Variants in SLC1A1 observed in about 807,000 individuals in gnomAD.
SLC1A1 encodes solute carrier family 1 member 1.
Under a neutral mutation model 53.3 loss-of-function variants are expected in SLC1A1, and 43 were observed. That is an observed-to-expected ratio of 0.81 (90% confidence interval 0.63 to 1.04). The LOEUF is 1.04. SLC1A1 is among the 50% of genes least tolerant of loss of function. The pLI, the probability that SLC1A1 is intolerant of heterozygous loss-of-function variation, is 0.00. For missense variants in SLC1A1, 748 were observed against 664.9 expected (o/e 1.12, Z -1.37); for synonymous variants, 307 against 243.2 (o/e 1.26, Z -2.44).
rs544270897 is a variant in SLC1A1 at position 4,516,242 on chromosome 9, G to A, written c.91+25472G>A. ...CACCAGCATGAACTTACCCAGAACG[G>A]GCCTGAACATTTGAACAACTGAACA... On this transcript the variant is annotated intron_variant, in intron 1 of 11. Coordinates refer to ENST00000262352, the MANE Select transcript of SLC1A1 (RefSeq NM_004170.6). Among the ~76,000 whole-genome samples the A allele has an allele frequency of 4.6e-5, 7 of 152,214 alleles. No individual in the cohort carries two copies. The South Asian group carries it at 1.5e-3, about 32-fold the overall frequency.
intron 6 of SLC1A1, among the ~76,000 whole-genome samples, chr9:4,571,531 A>G (rs1222284388): frequency 6.6e-6 from 1 of 151,986 alleles, no homozygotes. Context: ...CAAAAAATTA[A>G]TTGGGTGTGG....
At chr9:4,567,456 T>A (rs150116244) in intron 5 of SLC1A1, among the ~76,000 whole-genome samples, 17 of 152,290 alleles carry the variant, frequency 1.1e-4, no homozygotes, top group African/African-American at 4.1e-4. Flanking sequence ...TGAATGGTGA[T>A]CGTGGGAGTC....
At position 4,586,786 on chromosome 9, in the gene SLC1A1, C is replaced by T. The variant is rs769887973; in HGVS notation, c.*1228C>T. On this transcript the variant is annotated 3_prime_UTR_variant, in exon 12 of 12. Transcript: ENST00000262352. ...TAACCTGGGTTGTTGCAGAGTAAAT[C>T]CCACGACATAAGCTGGTATCAGTGG... 1 of 152,184 alleles carries T rather than the reference C, an allele frequency of 6.6e-6. No individual in the cohort carries two copies. The highest frequency in any genetic ancestry group is 2.1e-4 in the South Asian group (1 of 4,830). 9.4% of individuals were successfully genotyped at this position (152,184 alleles called of 1,614,324 possible). A position where few individuals can be genotyped will look rare whatever the true frequency, so the allele number is the denominator to read the frequency against.
At chr9:4,567,552 G>T (rs1160060529) in intron 5 of SLC1A1, 117 bp from the exon 6 acceptor site, 7 of 712,112 alleles carry the variant, frequency 9.8e-6, no homozygotes, top group Non-Finnish European at 1.5e-5. Context: ...GGCATTGGAT[G>T]TAGATCCCTT....
At chr9:4,536,195 G>C (rs1468578565) in intron 1 of SLC1A1, among the ~76,000 whole-genome samples, 1 of 152,064 alleles carries the variant, frequency 6.6e-6, no homozygotes, top group African/African-American at 2.4e-5. Flanking sequence ...CTGACAAATG[G>C]GATCTCATTA....
At chr9:4,491,098 TTTTC>T (rs1353273811) in intron 1 of SLC1A1, among the ~76,000 whole-genome samples, 1 of 152,196 alleles carries the variant, frequency 6.6e-6, no homozygotes, top group African/African-American at 2.4e-5. Context: ...GGTTCGATTT[TTTTC>T]TTTGTTAATC....
intron 2 of SLC1A1, among the ~76,000 whole-genome samples, chr9:4,550,474 T>C (rs1817834066): frequency 2.0e-5 from 3 of 152,182 alleles, no homozygotes; most frequent in African/African-American, 4.8e-5. Context: ...CACTGTAGTC[T>C]TGAACTCCTG....
At chr9:4,527,382 G>A (rs983924511) in intron 1 of SLC1A1, among the ~76,000 whole-genome samples, 1 of 152,152 alleles carries the variant, frequency 6.6e-6, no homozygotes, top group Non-Finnish European at 1.5e-5. Context: ...GTGGTGATTT[G>A]TTACACAGCA....
At chr9:4,568,500 C>T (rs1023182140) in intron 6 of SLC1A1, among the ~76,000 whole-genome samples, 1 of 151,446 alleles carries the variant, frequency 6.6e-6, no homozygotes, top group African/African-American at 2.4e-5. Flanking sequence ...ACAGGTGGAT[C>T]GCTTGAAACC....
rs762761573 is a variant in SLC1A1 at position 4,561,506 on chromosome 9, A to G, written c.290A>G (p.Tyr97Cys). 6 of 1,608,178 alleles carry G rather than the reference A, an allele frequency of 3.7e-6. No individual in the cohort carries two copies. The highest frequency in any genetic ancestry group is 4.3e-6 in the Non-Finnish European group (5 of 1,174,688). The stretch of plus-strand genomic sequence containing the variant: ...AAAATTGGTCTGCGCGCTGTCGTGT[A>G]TTATTTCTGTACCACTCTCATTGCT... ...SGKIGLRAVV[Y>C]YFCTTLIAVI... The change falls in exon 3 of 12, where the codon TAT becomes TGT. Residue 97 changes from tyrosine to cysteine, a missense_variant. Tyr to Cys is a radical substitution (Grantham distance 194, BLOSUM62 -2). Transcript: ENST00000262352.
chr9:4,506,089 T>C (rs1379695470), intron 1 of SLC1A1, among the ~76,000 whole-genome samples: 2 of 151,938 alleles, frequency 1.3e-5, no homozygotes, highest in African/African-American at 2.4e-5. Context: ...GCCTCCCAAA[T>C]TGCTGGGATT....
intron 1 of SLC1A1, among the ~76,000 whole-genome samples, chr9:4,515,747 C>T (rs73641455): frequency 6.6e-6 from 1 of 152,176 alleles, no homozygotes; most frequent in Non-Finnish European, 1.5e-5. Flanking sequence ...AAAGAGTCAT[C>T]TTTCCAGCAG....
chr9:4,572,507 AT>A (rs1253422203), intron 7 of SLC1A1, 119 bp downstream of exon 7: 4 of 910,142 alleles, frequency 4.4e-6, no homozygotes, highest in Non-Finnish European at 7.3e-6. Flanking sequence ...GACATTTAAT[AT>A]TGAACCACCA....
intron 2 of SLC1A1, among the ~76,000 whole-genome samples, chr9:4,550,398 GA>G (rs995177917): frequency 6.6e-6 from 1 of 152,112 alleles, no homozygotes; most frequent in African/African-American, 2.4e-5. Context: ...TTTTTGTTGG[GA>G]AAGGGTGGGA....
chr9:4,538,932 C>T (rs1386894150), intron 1 of SLC1A1, among the ~76,000 whole-genome samples: 1 of 152,224 alleles, frequency 6.6e-6, no homozygotes, highest in Non-Finnish European at 1.5e-5. Flanking sequence ...CTTAGATTAG[C>T]TCCCAAAGGG....
Position 4,583,748 on chromosome 9 carries a change from G to C in SLC1A1, c.1328+576G>C, listed in dbSNP as rs3780411. Among the ~76,000 whole-genome samples the C allele has an allele frequency of 0.11, 16,750 of 152,120 alleles. 1,500 individuals are homozygous for C. The highest frequency in any genetic ancestry group is 0.47 in the East Asian group (2,427 of 5,174). On this transcript the variant is annotated intron_variant, in intron 11 of 11. Transcript: ENST00000262352. The surrounding 1 kb of genome is among the most constrained non-coding windows in gnomAD (Gnocchi z 4.6). ...AGGACTGAGTGAGCTCATGTGAGTG[G>C]AGCATCTAGAACAGCGTTTGGCAGC... is the stretch of plus-strand genomic sequence containing the variant.
intron 1 of SLC1A1, among the ~76,000 whole-genome samples, chr9:4,511,170 G>T (rs990784974): frequency 9.2e-5 from 14 of 152,152 alleles, no homozygotes; most frequent in African/African-American, 3.4e-4. Flanking sequence ...GTCTGTTCTG[G>T]CTGCTGTAAC....
At chr9:4,532,602 G>A (rs531231154) in intron 1 of SLC1A1, among the ~76,000 whole-genome samples, 72 of 152,164 alleles carry the variant, frequency 4.7e-4, no homozygotes, top group Non-Finnish European at 9.0e-4. Flanking sequence ...GTACCTGAAA[G>A]TGATGGGGAG....
At chr9:4,505,216 T>G (rs1354377246) in intron 1 of SLC1A1, among the ~76,000 whole-genome samples, 1 of 151,828 alleles carries the variant, frequency 6.6e-6, no homozygotes, top group Non-Finnish European at 1.5e-5. Flanking sequence ...CTAGCTAATT[T>G]TTTTGTATTT....
Sources: gnomAD v4.1 joint callset for allele counts (sites outside exome capture counted in the v4.1 genomes callset) on GRCh38, gnomAD v4.1.1 for gene constraint, Gnocchi (gnomAD v3.1) non-coding constraint, MANE v1.5 for transcripts, NCBI Gene and HGNC (gene_info 2026-07-23, HGNC 2026-07-21) for gene names.